The following LRMDA variants were observed in gnomAD, a reference collection of about 807,000 sequenced individuals.
The protein encoded by LRMDA is leucine rich melanocyte differentiation associated, also known as leucine-rich melanocyte differentiation-associated protein.
LRMDA carries 18 observed loss-of-function variants against 29.8 expected under a neutral mutation model. The observed-to-expected ratio is 0.60, with a 90% CI of 0.42 to 0.90. The LOEUF is 0.90. Ranked by LOEUF, LRMDA falls within the 40% of genes least tolerant of loss-of-function variation. The pLI is 0.00. For missense variants in LRMDA, 273 were observed against 273.9 expected (o/e 1.00, Z 0.02); for synonymous variants, 125 against 109.4 (o/e 1.14, Z -0.89).
chr10:76,184,980 A>G (rs992815815), intron 5 of LRMDA, among the ~76,000 whole-genome samples: 13 of 152,216 alleles, frequency 8.5e-5, no homozygotes, highest in African/African-American at 2.9e-4. Context: ...AATGTATTAA[A>G]TATTCTCTTA....
intron 5 of LRMDA, among the ~76,000 whole-genome samples, chr10:76,079,668 A>C (rs761652217): frequency 6.6e-6 from 1 of 152,226 alleles, no homozygotes; most frequent in Non-Finnish European, 1.5e-5. Flanking sequence ...GAAAAGAAAC[A>C]AGAAAATAAG....
At chr10:76,428,900 A>T (rs1412202110) in intron 6 of LRMDA, among the ~76,000 whole-genome samples, 1 of 152,054 alleles carries the variant, frequency 6.6e-6, no homozygotes, top group African/African-American at 2.4e-5. Flanking sequence ...AAGAAGTTTT[A>T]CTCTGTTATC....
chr10:76,153,674 A>T (rs1850487774), intron 5 of LRMDA, among the ~76,000 whole-genome samples: 1 of 152,220 alleles, frequency 6.6e-6, no homozygotes, highest in Non-Finnish European at 1.5e-5. Context: ...CTATATAATT[A>T]TGATAATCTA....
intron 6 of LRMDA, among the ~76,000 whole-genome samples, chr10:76,536,761 G>A (rs1027133506): frequency 3.3e-5 from 5 of 152,004 alleles, no homozygotes; most frequent in African/African-American, 1.2e-4. Flanking sequence ...TTTGGCTAAC[G>A]TGGTTACCGC....
intron 2 of LRMDA, among the ~76,000 whole-genome samples, chr10:75,918,343 G>A (rs944722755): frequency 6.6e-6 from 1 of 152,092 alleles, no homozygotes. Flanking sequence ...AGGCTGTACA[G>A]GAAGCATAGC....
chr10:76,060,296 G>A (rs892222151), intron 5 of LRMDA, among the ~76,000 whole-genome samples: 3 of 152,168 alleles, frequency 2.0e-5, no homozygotes, highest in Non-Finnish European at 4.4e-5. Context: ...GATGTGGGCA[G>A]CTCTACATTG....
At chr10:76,143,614 T>G (rs528238810) in intron 5 of LRMDA, among the ~76,000 whole-genome samples, 153 of 152,324 alleles carry the variant, frequency 1.0e-3, no homozygotes, top group African/African-American at 3.5e-3. Flanking sequence ...ATGAGTAGGT[T>G]GCAAAAATTT....
intron 2 of LRMDA, among the ~76,000 whole-genome samples, chr10:75,881,273 C>T (rs1437954749): frequency 6.6e-6 from 1 of 152,116 alleles, no homozygotes; most frequent in Non-Finnish European, 1.5e-5. Flanking sequence ...TGGAGCTCAC[C>T]ATCTAGCAGA....
intron 2 of LRMDA, among the ~76,000 whole-genome samples, chr10:75,612,695 A>G (rs1564522331): frequency 6.7e-6 from 1 of 150,222 alleles, no homozygotes; most frequent in Non-Finnish European, 1.5e-5. Flanking sequence ...TAGTGGATTT[A>G]GAGAGGCAAT....
At chr10:76,458,697 A>G (rs753289514) in intron 6 of LRMDA, among the ~76,000 whole-genome samples, 5 of 152,162 alleles carry the variant, frequency 3.3e-5, no homozygotes, top group Admixed American at 6.5e-5. Context: ...GCACTGTTGT[A>G]TCATTCATGT....
In LRMDA at chr10:75,842,874, T is replaced by C. The variant is rs542216225; in HGVS notation, c.132-193134T>C. Among the ~76,000 whole-genome samples the C allele has an allele frequency of 2.6e-5, 4 of 151,492 alleles. No homozygotes were observed. The South Asian group carries it at 8.4e-4, about 32-fold the overall frequency. ...CCTGTTTCTTAAAAAAAAAAAAAAT[T>C]ACCTGGGGTGGTAGCATGAGCTTGT... is the stretch of plus-strand genomic sequence containing the variant. On this transcript the variant is annotated intron_variant, in intron 2 of 6. Coordinates refer to ENST00000611255, the MANE Select transcript of LRMDA (RefSeq NM_001305581.2).
intron 5 of LRMDA, among the ~76,000 whole-genome samples, chr10:76,202,651 A>G (rs1303366111): frequency 6.6e-6 from 1 of 152,116 alleles, no homozygotes; most frequent in Non-Finnish European, 1.5e-5. Context: ...CTGCAGAATG[A>G]AGGAAAGCTA....
chr10:75,899,357 AT>A (rs546007518), intron 2 of LRMDA, among the ~76,000 whole-genome samples: 2 of 152,354 alleles, frequency 1.3e-5, no homozygotes, highest in African/African-American at 4.8e-5. Context: ...ATGGAAATGA[AT>A]CATTTCTATG....
chr10:76,511,894 G>A (rs2132352567), intron 6 of LRMDA, among the ~76,000 whole-genome samples: 2 of 149,984 alleles, frequency 1.3e-5, no homozygotes, highest in South Asian at 4.2e-4. Context: ...ATATTGAAAA[G>A]CAAGGGATCC....
At chr10:76,418,116 T>C (rs796377416) in intron 6 of LRMDA, among the ~76,000 whole-genome samples, 1 of 152,110 alleles carries the variant, frequency 6.6e-6, no homozygotes, top group African/African-American at 2.4e-5. Flanking sequence ...TCTTTGAATC[T>C]CCATACAAGT....
chr10:75,463,779 T>A (rs1209914535), intron 2 of LRMDA, among the ~76,000 whole-genome samples: 1 of 152,214 alleles, frequency 6.6e-6, no homozygotes, highest in Non-Finnish European at 1.5e-5. Flanking sequence ...GCGAATCTCC[T>A]GCCTTAGCCT....
intron 2 of LRMDA, among the ~76,000 whole-genome samples, chr10:75,531,630 C>T (rs1454756550): frequency 1.3e-5 from 2 of 152,186 alleles, no homozygotes; most frequent in African/African-American, 4.8e-5. Flanking sequence ...TTTTCTCTGG[C>T]TCTAAAGCCA....
chr10:75,800,643 A>G (rs996676601), intron 2 of LRMDA, among the ~76,000 whole-genome samples: 8 of 152,068 alleles, frequency 5.3e-5, no homozygotes, highest in Non-Finnish European at 1.2e-4. Context: ...ATATTCCCCT[A>G]TTATGACTCT....
rs75390186 is a variant in LRMDA at position 76,512,085 on chromosome 10, C to T, written c.602-45124C>T. 5.3e-4 allele frequency among the ~76,000 whole-genome samples: 80 copies of T among 152,166 alleles called. 1 individual carries two copies. The East Asian group carries it at 0.011, about 21-fold the overall frequency. ...GGGATAGTTTCGCCCATACTGTTCT[C>T]GTGGTAGTGAATAAGTCTCACGAGA... On this transcript the variant is annotated intron_variant, in intron 6 of 6. Coordinates refer to ENST00000611255, the MANE Select transcript of LRMDA (RefSeq NM_001305581.2).
Sources: allele counts gnomAD v4.1 joint callset (sites outside exome capture counted in the v4.1 genomes callset), GRCh38; gene constraint gnomAD v4.1.1; transcripts MANE v1.5; gene names NCBI Gene and HGNC (gene_info 2026-07-23, HGNC 2026-07-21).